The following EBF1 variants were observed in gnomAD, a reference collection of about 807,000 sequenced individuals.
EBF1 encodes the protein EBF transcription factor 1.
A neutral mutation model predicts 68.4 loss-of-function variants in EBF1; 10 were observed. The ratio of observed to expected loss-of-function variants is 0.15; its 90% CI spans 0.09 to 0.25. EBF1 has a LOEUF of 0.25. Ranked by LOEUF, EBF1 falls within the 10% of genes least tolerant of loss-of-function variation. The pLI, the probability that EBF1 is intolerant of heterozygous loss-of-function variation, is 1.00. For synonymous variants in EBF1, 298 were observed against 299.8 expected (o/e 0.99, Z 0.06); for missense variants, 509 against 794.4 (o/e 0.64, Z 4.32).
intron 6 of EBF1, among the ~76,000 whole-genome samples, chr5:158,917,268 C>A (rs1455646909): frequency 1.3e-5 from 2 of 152,192 alleles, no homozygotes; most frequent in East Asian, 3.9e-4. Flanking sequence ...CCATTTAGAT[C>A]CTTCGTACAT....
chr5:158,947,159 G>A (rs1814936910), intron 6 of EBF1, among the ~76,000 whole-genome samples: 1 of 152,102 alleles, frequency 6.6e-6, no homozygotes, highest in Non-Finnish European at 1.5e-5. Flanking sequence ...AAACCACTTG[G>A]CTCCCTGGCT....
intron 6 of EBF1, among the ~76,000 whole-genome samples, chr5:158,982,652 C>T (rs1051452047): frequency 3.3e-5 from 5 of 151,702 alleles, no homozygotes; most frequent in Non-Finnish European, 5.9e-5. Context: ...TTACACGGTA[C>T]TTAAATTTTT....
At chr5:158,944,187 C>T (rs1814138689) in intron 6 of EBF1, among the ~76,000 whole-genome samples, 1 of 152,170 alleles carries the variant, frequency 6.6e-6, no homozygotes, top group Non-Finnish European at 1.5e-5. Flanking sequence ...CCGTCATCTA[C>T]ATTAGTTTCT....
At chr5:158,841,757 C>G (rs1025974497) in intron 6 of EBF1, among the ~76,000 whole-genome samples, 6 of 152,252 alleles carry the variant, frequency 3.9e-5, no homozygotes, top group Non-Finnish European at 1.5e-5. Context: ...ATGAATCCCT[C>G]TGCTCCTTGG....
chr5:158,902,595 T>TTTTTTA (rs1803649141), intron 6 of EBF1, among the ~76,000 whole-genome samples: 1 of 147,162 alleles, frequency 6.8e-6, no homozygotes. Flanking sequence ...CCTGAATAAT[T>TTTTTTA]TTATTATTAT....
At chr5:159,088,069 A>G (rs2127990852) in intron 4 of EBF1, among the ~76,000 whole-genome samples, 1 of 152,158 alleles carries the variant, frequency 6.6e-6, no homozygotes, top group African/African-American at 2.4e-5. Flanking sequence ...TAAACTAAAA[A>G]CTCAGTGTAA....
chr5:159,035,237 A>G (rs1443503227), intron 6 of EBF1, among the ~76,000 whole-genome samples: 1 of 152,194 alleles, frequency 6.6e-6, no homozygotes, highest in East Asian at 1.9e-4. Flanking sequence ...CTGAAAGCTT[A>G]CAAGAAGGGA....
At chr5:158,733,242 T>G (rs1241418141) in intron 10 of EBF1, among the ~76,000 whole-genome samples, 1 of 152,182 alleles carries the variant, frequency 6.6e-6, no homozygotes, top group African/African-American at 2.4e-5. Flanking sequence ...AATAGTAGCT[T>G]TAGACAATTA....
intron 10 of EBF1, among the ~76,000 whole-genome samples, chr5:158,773,682 T>C (rs951353645): frequency 6.6e-6 from 1 of 152,072 alleles, no homozygotes; most frequent in Admixed American, 6.6e-5. Flanking sequence ...GCATTTGGAA[T>C]TGGCCGCTTC....
chr5:158,914,024 A>G (rs1806595997), intron 6 of EBF1, among the ~76,000 whole-genome samples: 1 of 152,210 alleles, frequency 6.6e-6, no homozygotes, highest in African/African-American at 2.4e-5. Context: ...AGTAGAGGCA[A>G]AAGTCATCAG....
chr5:159,045,159 C>A (rs946053597), intron 6 of EBF1, among the ~76,000 whole-genome samples: 1 of 151,950 alleles, frequency 6.6e-6, no homozygotes, highest in Admixed American at 6.6e-5. Context: ...AAGCCAACAT[C>A]AAAGGTTAGA....
At chr5:158,856,489 A>T (rs758362478) in intron 6 of EBF1, among the ~76,000 whole-genome samples, 12 of 152,190 alleles carry the variant, frequency 7.9e-5, no homozygotes, top group Non-Finnish European at 1.6e-4. Context: ...AGCCAAGATG[A>T]CTCAGAATAC....
intron 6 of EBF1, among the ~76,000 whole-genome samples, chr5:158,967,997 G>T (rs1270321128): frequency 6.6e-6 from 1 of 152,130 alleles, no homozygotes; most frequent in Non-Finnish European, 1.5e-5. Context: ...GTTAAAATAT[G>T]CAACTCAAAC....
At position 158,902,781 on chromosome 5, in the gene EBF1, C is replaced by A. The variant is rs190480148; in HGVS notation, c.555-62671G>T. 3.3e-5 allele frequency among the ~76,000 whole-genome samples: 5 copies of A among 152,082 alleles called. No homozygotes were observed. In the East Asian group the frequency reaches 9.7e-4, roughly 29 times the overall value. ...CAAAAGGCTTCTCGTATGGGGACAA[C>A]AGATTTCAGCATGGTGGCCAAGGAC... On this transcript the variant is annotated intron_variant, in intron 6 of 15. Coordinates refer to ENST00000313708, the MANE Select transcript of EBF1 (RefSeq NM_024007.5).
chr5:159,065,113 G>A (rs978625142), intron 6 of EBF1, among the ~76,000 whole-genome samples: 7 of 151,940 alleles, frequency 4.6e-5, no homozygotes, highest in Non-Finnish European at 7.4e-5. Context: ...ACTTATGAAC[G>A]AGAAGCACAT....
At chr5:158,891,500 A>G (rs1278528190) in intron 6 of EBF1, among the ~76,000 whole-genome samples, 1 of 152,146 alleles carries the variant, frequency 6.6e-6, no homozygotes, top group East Asian at 1.9e-4. Context: ...TTCGAAGTAG[A>G]CCCAGTGCTA....
intron 7 of EBF1, among the ~76,000 whole-genome samples, chr5:158,828,545 T>C (rs1786734188): frequency 6.6e-6 from 1 of 152,144 alleles, no homozygotes. Context: ...TACAATTTTA[T>C]AGAACTAAAA....
intron 6 of EBF1, among the ~76,000 whole-genome samples, chr5:158,949,486 T>C (rs569649306): frequency 2.0e-5 from 3 of 152,282 alleles, no homozygotes; most frequent in African/African-American, 7.2e-5. Flanking sequence ...CTTTTTAAAC[T>C]TTTTAAAATT....
intron 6 of EBF1, among the ~76,000 whole-genome samples, chr5:159,030,704 C>A (rs1383384255): frequency 6.6e-6 from 1 of 152,190 alleles, no homozygotes; most frequent in Non-Finnish European, 1.5e-5. Flanking sequence ...ATGGACACTC[C>A]TGAGCACATT....
Sources: allele counts gnomAD v4.1 joint callset (sites outside exome capture counted in the v4.1 genomes callset), GRCh38; gene constraint gnomAD v4.1.1; transcripts MANE v1.5; gene names NCBI Gene and HGNC (gene_info 2026-07-23, HGNC 2026-07-21).